The following SPON1 variants were observed in gnomAD, a reference collection of about 807,000 sequenced individuals.
The protein encoded by SPON1 is spondin 1.
A neutral mutation model predicts 111.7 loss-of-function variants in SPON1; 52 were observed. The observed-to-expected ratio is 0.47, with a 90% confidence interval of 0.37 to 0.59. The LOEUF is 0.59. Ranked by LOEUF, SPON1 falls within the 20% of genes least tolerant of loss-of-function variation. The pLI, the probability that SPON1 is intolerant of heterozygous loss-of-function variation, is 0.00. For missense variants in SPON1, 957 were observed against 1,068.5 expected (o/e 0.90, Z 1.46); for synonymous variants, 410 against 395.8 (o/e 1.04, Z -0.43).
intron 6 of SPON1, among the ~76,000 whole-genome samples, chr11:14,163,867 T>C (rs1332280936): frequency 6.6e-6 from 1 of 151,234 alleles, no homozygotes; most frequent in Non-Finnish European, 1.5e-5. Flanking sequence ...CAGCCCTGGT[T>C]ACCCCCACAC....
intron 2 of SPON1, among the ~76,000 whole-genome samples, chr11:14,035,635 T>A (rs868977875): frequency 0.015 from 1,924 of 124,396 alleles, 15 homozygotes; most frequent in Non-Finnish European, 0.025. Context: ...TTTTTTTTTT[T>A]AAGACAGGGT....
intron 3 of SPON1, among the ~76,000 whole-genome samples, chr11:14,045,853 A>C (rs1848664592): frequency 6.6e-6 from 1 of 151,908 alleles, no homozygotes; most frequent in African/African-American, 2.4e-5. Context: ...AAAAGTTTGA[A>C]ATTTTTATGT....
chr11:14,180,564 G>A (rs559012303), intron 6 of SPON1, among the ~76,000 whole-genome samples: 1 of 152,274 alleles, frequency 6.6e-6, no homozygotes, highest in East Asian at 1.9e-4. Flanking sequence ...AGAGTCTAAC[G>A]TAGAAGCTCC....
chr11:13,980,044 T>C (rs1848132060), intron 1 of SPON1, among the ~76,000 whole-genome samples: 1 of 150,164 alleles, frequency 6.7e-6, no homozygotes, highest in Admixed American at 6.6e-5. Context: ...TTCCCCTCAT[T>C]CCTTCTTTTT....
intron 1 of SPON1, 79 bp downstream of exon 1, chr11:13,963,221 GGC>G (rs1847989257): frequency 1.7e-6 from 2 of 1,163,784 alleles, no homozygotes; most frequent in African/African-American, 3.3e-5. Context: ...GCCGGAGGAG[GGC>G]GCGCGGTCTC....
intron 10 of SPON1, among the ~76,000 whole-genome samples, chr11:14,257,015 G>A (rs1554941292): frequency 1.3e-5 from 2 of 152,156 alleles, no homozygotes; most frequent in Non-Finnish European, 2.9e-5. Flanking sequence ...TGAGGCAGGT[G>A]TGGATACATT....
chr11:14,007,595 C>T (rs781908374), intron 2 of SPON1, among the ~76,000 whole-genome samples: 1 of 152,184 alleles, frequency 6.6e-6, no homozygotes, highest in African/African-American at 2.4e-5. Context: ...ATGTTAATCT[C>T]CTTTCGCAAC....
At chr11:14,211,829 G>T (rs945231160) in intron 6 of SPON1, among the ~76,000 whole-genome samples, 5 of 151,912 alleles carry the variant, frequency 3.3e-5, no homozygotes, top group Non-Finnish European at 7.4e-5. Flanking sequence ...CAAATTCTTT[G>T]TAAATATTTT....
At chr11:14,170,626 G>T (rs1374033416) in intron 6 of SPON1, among the ~76,000 whole-genome samples, 1 of 151,860 alleles carries the variant, frequency 6.6e-6, no homozygotes, top group Admixed American at 6.6e-5. Flanking sequence ...GATATTGGCT[G>T]TGGGTTTGTC....
intron 5 of SPON1, among the ~76,000 whole-genome samples, chr11:14,093,660 C>G (rs1357721251): frequency 1.3e-5 from 2 of 152,158 alleles, no homozygotes; most frequent in African/African-American, 4.8e-5. Flanking sequence ...TCTATTGGAT[C>G]ACCAGATTTA....
At chr11:14,061,563 C>T (rs1554919866) in intron 3 of SPON1, among the ~76,000 whole-genome samples, 3 of 152,174 alleles carry the variant, frequency 2.0e-5, no homozygotes, top group Non-Finnish European at 2.9e-5. Flanking sequence ...TATATCACTT[C>T]CAGTAAATCA....
At chr11:14,164,922 G>A (rs550332459) in intron 6 of SPON1, among the ~76,000 whole-genome samples, 1 of 152,206 alleles carries the variant, frequency 6.6e-6, no homozygotes, top group South Asian at 2.1e-4. Flanking sequence ...ATCTGGGTGG[G>A]GCCAGCTGGT....
intron 6 of SPON1, among the ~76,000 whole-genome samples, chr11:14,153,025 C>T (rs1847805861): frequency 6.6e-6 from 1 of 152,250 alleles, no homozygotes; most frequent in African/African-American, 2.4e-5. Context: ...CAAATTAGGG[C>T]CCTAAGACAA....
At chr11:14,003,603 A>C (rs1343810439) in intron 2 of SPON1, among the ~76,000 whole-genome samples, 1 of 152,172 alleles carries the variant, frequency 6.6e-6, no homozygotes, top group South Asian at 2.1e-4. Context: ...GTGATTTTCT[A>C]TCAAGACACA....
At chr11:14,222,154 A>G (rs1422847458) in intron 6 of SPON1, among the ~76,000 whole-genome samples, 2 of 152,206 alleles carry the variant, frequency 1.3e-5, no homozygotes, top group Non-Finnish European at 2.9e-5. Flanking sequence ...GTACAAAAAA[A>G]ATTTTCAGAC....
rs1382762145 is a variant in SPON1, at chr11:14,254,855, G to A, written c.1092+126G>A. ...ACTTTCAGTCTGGCTGGGGAGGCTG[G>A]CATGGTCGCATCATCACATATGGTG... On this transcript the variant is annotated intron_variant, in intron 8 of 15. Transcript: ENST00000576479. 7 of 877,970 alleles carry A rather than the reference G, an allele frequency of 8.0e-6. No individual in the cohort carries two copies. In the East Asian group the frequency reaches 1.6e-4, roughly 20 times the overall value. 54.4% of individuals were successfully genotyped at this position (877,970 alleles called of 1,614,324 possible).
chr11:14,258,558 TA>T (rs1849136155), intron 11 of SPON1, among the ~76,000 whole-genome samples: 1 of 152,162 alleles, frequency 6.6e-6, no homozygotes, highest in South Asian at 2.1e-4. Context: ...TAGGATGCCA[TA>T]AGGCAATGGG....
intron 5 of SPON1, among the ~76,000 whole-genome samples, chr11:14,109,538 G>T (rs904927103): frequency 1.3e-5 from 2 of 152,028 alleles, no homozygotes; most frequent in African/African-American, 2.4e-5. Context: ...GCATTGTTTT[G>T]CACATTTTGT....
At position 14,067,340 on chromosome 11, in the gene SPON1, C is replaced by G. The variant is rs574527531; in HGVS notation, c.480-8005C>G. Among the ~76,000 whole-genome samples the G allele has an allele frequency of 1.2e-4, 18 of 152,282 alleles. No homozygotes were observed. The East Asian group carries it at 3.5e-3, about 29-fold the overall frequency. ...CATCAGTTAGGCACACATTTAAGAG[C>G]AGCATTCATTACAAAGGTTGGCTGA... On this transcript the variant is annotated intron_variant, in intron 3 of 15. Coordinates refer to ENST00000576479, the MANE Select transcript of SPON1 (RefSeq NM_006108.4).
Sources: allele counts gnomAD v4.1 joint callset (sites outside exome capture counted in the v4.1 genomes callset), GRCh38; gene constraint gnomAD v4.1.1; transcripts MANE v1.5; gene names NCBI Gene and HGNC (gene_info 2026-07-23, HGNC 2026-07-21).